Variants in TMEM39A observed in about 807,000 individuals in gnomAD.
TMEM39A encodes suppressor of SQST-1 aggregates in rpl-43 mutants.
Under a neutral mutation model 51.9 loss-of-function variants are expected in TMEM39A, and 19 were observed. The observed-to-expected ratio is 0.37, with a 90% confidence interval of 0.26 to 0.54. The LOEUF (loss-of-function observed/expected upper bound fraction) is 0.54. Among genes scored for constraint, TMEM39A ranks in the 20% least tolerant of loss-of-function variants. The probability of loss-of-function intolerance (pLI) is 0.88; values close to 1 mark genes in which losing one functional copy is unlikely to be tolerated. For synonymous variants in TMEM39A, 197 were observed against 220.2 expected (o/e 0.89, Z 0.93); for missense variants, 433 against 590.5 (o/e 0.73, Z 2.76).
chr3:119,461,574 A>G (rs1055719638), intron 2 of TMEM39A, among the ~76,000 whole-genome samples: 13 of 152,292 alleles, frequency 8.5e-5, no homozygotes, highest in African/African-American at 3.1e-4. Context: ...AGACCAAACA[A>G]TTTTTTGACA....
intron 5 of TMEM39A, chr3:119,446,513 C>T (rs1299390080): frequency 6.5e-6 from 1 of 153,230 alleles, no homozygotes; most frequent in Non-Finnish European, 1.5e-5. Context: ...TAATTTGTCA[C>T]ATATTTCTGG....
At chr3:119,433,349 G>A (rs965531360) in intron 8 of TMEM39A, among the ~76,000 whole-genome samples, 2 of 152,134 alleles carry the variant, frequency 1.3e-5, no homozygotes, top group African/African-American at 4.8e-5. Flanking sequence ...GGATCATCCA[G>A]AGATTCTGGT....
chr3:119,449,915 T>C (rs1358506219), intron 4 of TMEM39A, among the ~76,000 whole-genome samples: 2 of 152,208 alleles, frequency 1.3e-5, no homozygotes, highest in African/African-American at 2.4e-5. Context: ...CCTCTCTGAA[T>C]AGCATTTCCG....
chr3:119,436,735 A>T, intron 7 of TMEM39A, 56 bp downstream of exon 7: 3 of 1,516,720 alleles, frequency 2.0e-6, no homozygotes, highest in Non-Finnish European at 2.7e-6. Context: ...AAGCAAATAA[A>T]CATGATCAGC....
intron 5 of TMEM39A, among the ~76,000 whole-genome samples, chr3:119,443,048 A>T (rs1254370007): frequency 7.4e-6 from 1 of 134,540 alleles, no homozygotes; most frequent in Admixed American, 8.2e-5. Context: ...CCTGGGCGAC[A>T]GTGAGACCCT....
rs7430857 is a variant in TMEM39A, at chr3:119,439,451, C to T, written c.576-1348G>A. Among the ~76,000 whole-genome samples the T allele has an allele frequency of 2.6e-3, 394 of 151,756 alleles. 3 individuals are homozygous for T. The highest frequency in any genetic ancestry group is 9.1e-3 in the African/African-American group (375 of 41,348). On this transcript the variant is annotated intron_variant, in intron 5 of 8. Transcript: ENST00000319172. ...CAAAAATTAGCTGGGTGTGGTGGCGCGCACCTGCAATCCCAGCTACTCGGA... is the reference window on the plus strand; with the variant it reads ...CAAAAATTAGCTGGGTGTGGTGGCGTGCACCTGCAATCCCAGCTACTCGGA...
At chr3:119,443,600 C>A (rs1442121302) in intron 5 of TMEM39A, among the ~76,000 whole-genome samples, 5 of 152,076 alleles carry the variant, frequency 3.3e-5, no homozygotes, top group Non-Finnish European at 5.9e-5. Flanking sequence ...AGACATAATG[C>A]TATTATGTAC....
At position 119,431,500 on chromosome 3, in the gene TMEM39A, T is replaced by C. The variant is rs2107655055; in HGVS notation, c.*481A>G. ...GGTAGGCAACAAAGAGAACCCCACC[T>C]AGGACTTTAACCCACTCTTTTCCCA... On this transcript the variant is annotated 3_prime_UTR_variant, in exon 9 of 9. Coordinates refer to ENST00000319172, the MANE Select transcript of TMEM39A (RefSeq NM_018266.3). 1 of 152,614 alleles carries C rather than the reference T, an allele frequency of 6.6e-6. No individual in the cohort carries two copies. Among genetic ancestry groups the C allele is most frequent in the Middle Eastern group, 3.4e-3 (1 of 298 alleles). The allele number at this position is 152,614 out of a possible 1,614,324, so 9.5% of individuals were successfully genotyped here.
At chr3:119,445,857 G>GC (rs1374575118) in intron 5 of TMEM39A, among the ~76,000 whole-genome samples, 1 of 152,104 alleles carries the variant, frequency 6.6e-6, no homozygotes, top group Non-Finnish European at 1.5e-5. Context: ...TGTTTAAAAG[G>GC]TTTTGTAATA....
Position 119,462,137 on chromosome 3 carries a change from C to T in TMEM39A, c.-63G>A. ...TGCAACCCAGGTTAATGGTTGTCAA[C>T]CAGTTTCAACTCTGAACGACAACAA... is the stretch of plus-strand genomic sequence containing the variant. On this transcript the variant is annotated 5_prime_UTR_variant, in exon 2 of 9. Coordinates refer to ENST00000319172, the MANE Select transcript of TMEM39A (RefSeq NM_018266.3). 1 of 1,271,256 alleles carries T rather than the reference C, an allele frequency of 7.9e-7. No homozygotes were observed. 78.7% of individuals were successfully genotyped at this position (1,271,256 alleles called of 1,614,324 possible).
intron 4 of TMEM39A, among the ~76,000 whole-genome samples, chr3:119,448,364 C>A (rs892928248): frequency 6.6e-6 from 1 of 151,946 alleles, no homozygotes; most frequent in African/African-American, 2.4e-5. Flanking sequence ...AGTGATGGAA[C>A]CCAAAAAGGA....
Position 119,431,977 on chromosome 3 carries a change from C to G in TMEM39A, c.*4G>C. On this transcript the variant is annotated 3_prime_UTR_variant, in exon 9 of 9. Transcript: ENST00000319172. ...TGAGTTCTCCCTCATTGTTGAGAGG[C>G]AGCTTAGTTTGCCTTGAGTTCATAA... is the stretch of plus-strand genomic sequence containing the variant. 6.4e-7 allele frequency: 1 copy of G among 1,553,574 alleles called. No individual in the cohort carries two copies. Among genetic ancestry groups the G allele is most frequent in the Non-Finnish European group, 8.8e-7 (1 of 1,142,282 alleles).
intron 4 of TMEM39A, among the ~76,000 whole-genome samples, chr3:119,451,600 G>A (rs369863952): frequency 6.3e-4 from 96 of 152,276 alleles, no homozygotes; most frequent in African/African-American, 2.0e-3. Context: ...GGAGGCCGAG[G>A]CAGGTGGATC....
intron 4 of TMEM39A, 47 bp downstream of exon 4, chr3:119,452,400 A>AACTAACTCTAGCTAC: frequency 6.8e-7 from 1 of 1,478,752 alleles, no homozygotes; most frequent in Non-Finnish European, 9.4e-7. Flanking sequence ...CCATTCTAGT[A>AACTAACTCTAGCTAC]ACTAACTCTA....
chr3:119,435,693 AT>A, intron 7 of TMEM39A: 1 of 973,310 alleles, frequency 1.0e-6, no homozygotes, highest in Non-Finnish European at 1.2e-6. Context: ...AAAAAAAAAA[AT>A]TCTAGCACCC....
Position 119,431,152 on chromosome 3 carries a change from T to G in TMEM39A, c.*829A>C, listed in dbSNP as rs2107654715. On this transcript the variant is annotated 3_prime_UTR_variant, in exon 9 of 9. Coordinates refer to ENST00000319172, the MANE Select transcript of TMEM39A (RefSeq NM_018266.3). Reference sequence around the variant, plus strand: ...ATCCAAGATTGTTCAGCTGAGGACTTGCCCACTCTCCCAGTTACTTGGAAT... The same window carrying G: ...ATCCAAGATTGTTCAGCTGAGGACTGGCCCACTCTCCCAGTTACTTGGAAT... 1 of 152,268 alleles carries G rather than the reference T, an allele frequency of 6.6e-6. No individual in the cohort carries two copies. Among genetic ancestry groups the G allele is most frequent in the Admixed American group, 6.5e-5 (1 of 15,274 alleles). The allele number at this position is 152,268 out of a possible 1,614,324, so 9.4% of individuals were successfully genotyped here.
In TMEM39A at chr3:119,429,876, C is replaced by A. The variant is rs189849561; in HGVS notation, c.*2105G>T. On this transcript the variant is annotated 3_prime_UTR_variant, in exon 9 of 9. Transcript: ENST00000319172. ...TAGGATAGGACCAAGACAGATCAAG[C>A]CAGAAGGGGCATCATATTAGTTCAT... 6.6e-6 allele frequency: 1 copy of A among 152,206 alleles called. No homozygotes were observed. The highest frequency in any genetic ancestry group is 6.6e-5 in the Admixed American group (1 of 15,266). 9.4% of individuals were successfully genotyped at this position (152,206 alleles called of 1,614,324 possible).
rs1458923227 is a variant in TMEM39A, at chr3:119,429,019, C to CT, written c.*2961dup. Among the ~76,000 whole-genome samples the CT allele has an allele frequency of 6.6e-6, 1 of 152,076 alleles. No individual in the cohort carries two copies. Among genetic ancestry groups the CT allele is most frequent in the Admixed American group, 6.6e-5 (1 of 15,252 alleles). ...TCAAGATTGTTAATAGATCTGATAT[C>CT]TATTACGTATCTCATACATATTTCT... On this transcript the variant is annotated 3_prime_UTR_variant, in exon 9 of 9. Coordinates refer to ENST00000319172, the MANE Select transcript of TMEM39A (RefSeq NM_018266.3).
intron 6 of TMEM39A, 70 bp from the exon 7 acceptor site, chr3:119,437,048 C>T: frequency 7.0e-7 from 1 of 1,432,612 alleles, no homozygotes; most frequent in Non-Finnish European, 9.6e-7. Flanking sequence ...GGTTGGTGTA[C>T]ATATGCCCTG....
Sources: gnomAD v4.1 joint callset for allele counts (sites outside exome capture counted in the v4.1 genomes callset) on GRCh38, gnomAD v4.1.1 for gene constraint, MANE v1.5 for transcripts, NCBI Gene and HGNC (gene_info 2026-07-23, HGNC 2026-07-21) for gene names.